Variants in LRRIQ1 observed in about 807,000 individuals in gnomAD.
LRRIQ1 encodes leucine-rich repeat- and IQ domain-containing protein 1.
Under a neutral mutation model 211.9 loss-of-function variants are expected in LRRIQ1, and 210 were observed. The ratio of observed to expected loss-of-function variants is 0.99; its 90% CI spans 0.89 to 1.11. The LOEUF (loss-of-function observed/expected upper bound fraction) is 1.11, where lower values mean the gene tolerates loss of function less well. Ranked by LOEUF, LRRIQ1 falls within the 50% of genes most tolerant of loss-of-function variation. The pLI, the probability that LRRIQ1 is intolerant of heterozygous loss-of-function variation, is 0.00. For missense variants in LRRIQ1, 2,136 were observed against 1,939.5 expected, an observed-to-expected ratio of 1.10 and a Z score of -1.90; for synonymous variants, 699 against 650.1, an observed-to-expected ratio of 1.08 and a Z score of -1.14.
At chr12:85,123,382 A>G (rs1227718910) in intron 16 of LRRIQ1, among the ~76,000 whole-genome samples, 2 of 152,100 alleles carry the variant, frequency 1.3e-5, no homozygotes, top group Non-Finnish European at 2.9e-5. Context: ...TAGACATGAA[A>G]TAAAAATAAA....
intron 4 of LRRIQ1, 113 bp downstream of exon 4, chr12:85,044,922 T>A (rs974695250): frequency 1.1e-5 from 5 of 449,586 alleles, no homozygotes; most frequent in African/African-American, 2.0e-5. Flanking sequence ...ATATTAAAAA[T>A]TTAATTATTC....
rs148064791 is a variant in LRRIQ1, at chr12:85,056,456, A to G, written c.1663A>G (p.Ile555Val). Residue 555 changes from isoleucine to valine, a missense_variant, in exon 8 of 27, where the codon ATA becomes GTA. Coordinates refer to ENST00000393217, the MANE Select transcript of LRRIQ1 (RefSeq NM_001079910.2). ...TGAGAATACAGGACAAAAAACCCAG[A>G]TAATATTAGGACATAACCAAGAAAT... ...INENTGQKTQIILGHNQEISE... is the reference protein window; with the variant it reads ...INENTGQKTQVILGHNQEISE... The G allele has an allele frequency of 3.3e-4, 530 of 1,603,672 alleles. 1 individual carries two copies. Among genetic ancestry groups the G allele is most frequent in the African/African-American group, 2.7e-3 (200 of 74,262 alleles).
downstream of LRRIQ1, among the ~76,000 whole-genome samples, chr12:85,269,380 G>T (rs189438348): frequency 1.4e-3 from 213 of 152,024 alleles, no homozygotes; most frequent in African/African-American, 4.8e-3. Context: ...TAGGGGAAAT[G>T]GTAATTTAAT....
intron 19 of LRRIQ1, among the ~76,000 whole-genome samples, chr12:85,151,608 C>T (rs1376711957): frequency 1.3e-5 from 2 of 151,486 alleles, no homozygotes; most frequent in Non-Finnish European, 3.0e-5. Flanking sequence ...ATATAATTAG[C>T]AGGTTCCATT....
chr12:85,047,618 T>TCA, intron 6 of LRRIQ1, 148 bp downstream of exon 6: 6 of 631,202 alleles, frequency 9.5e-6, no homozygotes, highest in Non-Finnish European at 1.6e-5. Context: ...GAATTAACAG[T>TCA]ATTTAATATG....
At chr12:85,103,711 T>C (rs1886561713) in intron 13 of LRRIQ1, among the ~76,000 whole-genome samples, 1 of 151,726 alleles carries the variant, frequency 6.6e-6, no homozygotes, top group Non-Finnish European at 1.5e-5. Flanking sequence ...CGAATACACA[T>C]GAAAATCCAT....
rs760130431 is a variant in LRRIQ1, at chr12:85,056,691, A to T, written c.1898A>T (p.Lys633Ile). 1 of 1,606,924 alleles carries T rather than the reference A, an allele frequency of 6.2e-7. No homozygotes were observed. Residue 633 changes from lysine to isoleucine, a missense_variant, in exon 8 of 27, where the codon AAA becomes ATA. Coordinates refer to ENST00000393217, the MANE Select transcript of LRRIQ1 (RefSeq NM_001079910.2). ...AGAGAAAACGTAATATTACAAGAAA[A>T]AGAAATTTATTCAAAATCCAAAGAA... Reference protein sequence around the residue: ...DVRENVILQEKEIYSKSKEIE... With the variant: ...DVRENVILQEIEIYSKSKEIE...
At chr12:85,179,285 C>T (rs1438271340) in intron 24 of LRRIQ1, among the ~76,000 whole-genome samples, 1 of 151,848 alleles carries the variant, frequency 6.6e-6, no homozygotes, top group African/African-American at 2.4e-5. Flanking sequence ...TTCACATATC[C>T]CACTGACTTC....
Position 85,056,710 on chromosome 12 carries a change from C to A in LRRIQ1, c.1917C>A (p.Ser639=). ...ILQEKEIYSK[S]KEIEENPKDN... is the part of the protein sequence containing the mutation. ...AAGAAAAAGAAATTTATTCAAAATC[C>A]AAAGAAATTGAGGAGAACCCAAAAG... The change falls in exon 8 of 27, where the codon TCC becomes TCA. Residue 639 remains serine, a synonymous_variant. Transcript: ENST00000393217. The A allele has an allele frequency of 6.2e-7, 1 of 1,606,458 alleles. No homozygotes were observed. Among genetic ancestry groups the A allele is most frequent in the South Asian group, 1.1e-5 (1 of 88,902 alleles).
Position 85,128,155 on chromosome 12 carries a change from AT to A in LRRIQ1, c.4209+124del, listed in dbSNP as rs1265865915. 1.1e-5 allele frequency: 9 copies of A among 832,392 alleles called. No homozygotes were observed. The African/African-American group carries it at 1.6e-4, about 14-fold the overall frequency. The allele number at this position is 832,392 out of a possible 1,614,324, so 51.6% of individuals were successfully genotyped here. A position where few individuals can be genotyped will look rare whatever the true frequency, so the allele number is the denominator to read the frequency against. On this transcript the variant is annotated intron_variant, in intron 18 of 26. Transcript: ENST00000393217. ...TTACAGTTATGTAGATTTATTTCTT[AT>A]TCAAGTGACATGTTGGCTGCAGGTT... is the stretch of plus-strand genomic sequence containing the variant.
chr12:85,159,710 C>T (rs1043023081), intron 23 of LRRIQ1, among the ~76,000 whole-genome samples: 2 of 151,778 alleles, frequency 1.3e-5, no homozygotes, highest in Admixed American at 6.6e-5. Context: ...TTTGCAAGCC[C>T]ATGGTAATGT....
chr12:85,095,324 C>T (rs916187115), intron 11 of LRRIQ1, among the ~76,000 whole-genome samples: 1 of 152,042 alleles, frequency 6.6e-6, no homozygotes, highest in African/African-American at 2.4e-5. Context: ...TTATCATTAA[C>T]GGATGTTGGA....
intron 17 of LRRIQ1, among the ~76,000 whole-genome samples, chr12:85,126,301 T>C (rs1258794462): frequency 6.6e-6 from 1 of 152,114 alleles, no homozygotes; most frequent in Non-Finnish European, 1.5e-5. Context: ...AATTCACAGT[T>C]ACAGTTCGTG....
chr12:85,108,498 G>A (rs987833544), intron 15 of LRRIQ1, among the ~76,000 whole-genome samples: 2 of 152,066 alleles, frequency 1.3e-5, no homozygotes, highest in African/African-American at 4.8e-5. Context: ...TCTGCCTTCA[G>A]TTTCTACTGG....
At chr12:85,262,238 G>T (rs1203415458) in intron 1 of LRRIQ1, among the ~76,000 whole-genome samples, 1 of 151,680 alleles carries the variant, frequency 6.6e-6, no homozygotes, top group Non-Finnish European at 1.5e-5. Flanking sequence ...CCATTTTATG[G>T]CCCCTGTGTA....
chr12:85,228,907 C>T (rs1894799625), intron 24 of LRRIQ1, among the ~76,000 whole-genome samples: 1 of 152,092 alleles, frequency 6.6e-6, no homozygotes, highest in South Asian at 2.1e-4. Flanking sequence ...GTGTCTCCCT[C>T]TGGTGTACTG....
At chr12:85,124,760 A>G (rs1046311049) in intron 17 of LRRIQ1, 2 of 390,348 alleles carry the variant, frequency 5.1e-6, no homozygotes, top group African/African-American at 4.2e-5. Context: ...AAATGAGTAA[A>G]TGTGAGTTTT....
intron 1 of LRRIQ1, among the ~76,000 whole-genome samples, chr12:85,259,974 A>G (rs1896236752): frequency 6.6e-6 from 1 of 152,096 alleles, no homozygotes; most frequent in African/African-American, 2.4e-5. Flanking sequence ...AACACTGTTA[A>G]GAATAAAAGT....
At chr12:85,132,842 A>G (rs1321559742) in intron 18 of LRRIQ1, among the ~76,000 whole-genome samples, 3 of 152,098 alleles carry the variant, frequency 2.0e-5, no homozygotes, top group Non-Finnish European at 4.4e-5. Flanking sequence ...GAGGTAAAAG[A>G]AAAATAGTGT....
Sources: allele counts gnomAD v4.1 joint callset (sites outside exome capture counted in the v4.1 genomes callset), GRCh38; gene constraint gnomAD v4.1.1; transcripts MANE v1.5; gene names NCBI Gene and HGNC (gene_info 2026-07-23, HGNC 2026-07-21).